Variants in LRBA observed in about 807,000 individuals in gnomAD.
LRBA encodes the protein lipopolysaccharide-responsive and beige-like anchor protein.
A neutral mutation model predicts 330.0 loss-of-function variants in LRBA; 176 were observed. That is an observed-to-expected ratio of 0.53 (90% CI 0.47 to 0.60). The LOEUF is 0.60. Among genes scored for constraint, LRBA ranks in the 20% least tolerant of loss-of-function variants. The pLI, the probability that LRBA is intolerant of heterozygous loss-of-function variation, is 0.00. For synonymous variants in LRBA, 1,230 were observed against 1,193.0 expected (o/e 1.03, Z -0.64); for missense variants, 3,259 against 3,444.8 (o/e 0.95, Z 1.35).
intron 36 of LRBA, among the ~76,000 whole-genome samples, chr4:150,690,851 A>G (rs10028965): frequency 0.7 from 106,570 of 151,534 alleles, 42,506 homozygotes; most frequent in Non-Finnish European, 0.9. Flanking sequence ...GGACAGCATA[A>G]CAGAAAGCAT....
At chr4:150,514,899 C>T (rs911555398) in intron 40 of LRBA, among the ~76,000 whole-genome samples, 1 of 152,070 alleles carries the variant, frequency 6.6e-6, no homozygotes, top group South Asian at 2.1e-4. Context: ...GGACGACTTG[C>T]CTGGTAGTGT....
At chr4:150,336,885 C>T (rs751246566) in intron 48 of LRBA, among the ~76,000 whole-genome samples, 2 of 152,110 alleles carry the variant, frequency 1.3e-5, no homozygotes, top group Admixed American at 6.6e-5. Flanking sequence ...TAATGTTCAG[C>T]GGCACTGTGT....
intron 36 of LRBA, chr4:150,720,909 A>T (rs569414031): frequency 2.7e-5 from 10 of 367,506 alleles, no homozygotes; most frequent in Non-Finnish European, 4.2e-5. Flanking sequence ...TCAGAAGATA[A>T]CAAAGCAATG....
At chr4:150,546,070 T>C (rs1191367071) in intron 40 of LRBA, among the ~76,000 whole-genome samples, 2 of 152,226 alleles carry the variant, frequency 1.3e-5, no homozygotes, top group Non-Finnish European at 2.9e-5. Context: ...GCAAGTCTTT[T>C]TTAATCCACA....
chr4:150,584,483 A>AT (rs1428118596), intron 40 of LRBA: 1 of 79,870 alleles, frequency 1.3e-5, no homozygotes, highest in African/African-American at 7.0e-5. Flanking sequence ...CCCCCCCCCC[A>AT]TTTCGTTTTG....
At chr4:150,698,760 T>C (rs1019290223) in intron 36 of LRBA, among the ~76,000 whole-genome samples, 1 of 152,222 alleles carries the variant, frequency 6.6e-6, no homozygotes. Context: ...TGTATGTATA[T>C]ACCTGTCCTT....
intron 26 of LRBA, among the ~76,000 whole-genome samples, chr4:150,847,359 T>C (rs1009149650): frequency 2.0e-5 from 3 of 152,176 alleles, no homozygotes; most frequent in African/African-American, 7.2e-5. Context: ...CCAAGTTACT[T>C]AGAATAGCAA....
Position 150,588,124 on chromosome 4 carries a change from G to C in LRBA, c.6254C>G (p.Thr2085Ser). Reference sequence around the variant, plus strand: ...GAGTTCGGAGGAGGTGACAGAAAGAGTGCCCTTTACTACAACAGAGGGGGC... The same window carrying C: ...GAGTTCGGAGGAGGTGACAGAAAGACTGCCCTTTACTACAACAGAGGGGGC... The part of the protein sequence containing the change: ...LVAPSVVVKG[T>S]LSVTSSELYF... The change falls in exon 40 of 57, where the codon ACT becomes AGT. Residue 2085 changes from threonine to serine, a missense_variant. By Grantham distance (58) the Thr-to-Ser change is moderately conservative. Coordinates refer to ENST00000651943, the MANE Select transcript of LRBA (RefSeq NM_001364905.1). The C allele has an allele frequency of 6.2e-7, 1 of 1,612,588 alleles. No individual in the cohort carries two copies. The highest frequency in any genetic ancestry group is 8.5e-7 in the Non-Finnish European group (1 of 1,179,312).
intron 56 of LRBA, among the ~76,000 whole-genome samples, chr4:150,273,182 C>T (rs948940941): frequency 1.3e-5 from 2 of 152,208 alleles, no homozygotes; most frequent in African/African-American, 4.8e-5. Flanking sequence ...AAATAATTCT[C>T]AACCCAGAAT....
At chr4:151,003,971 G>A (rs1262559476) in intron 2 of LRBA, among the ~76,000 whole-genome samples, 1 of 149,378 alleles carries the variant, frequency 6.7e-6, no homozygotes, top group Non-Finnish European at 1.5e-5. Flanking sequence ...GGAGTGTGGG[G>A]TACAGTGACA....
At chr4:150,556,895 T>C (rs1174862107) in intron 40 of LRBA, among the ~76,000 whole-genome samples, 1 of 152,150 alleles carries the variant, frequency 6.6e-6, no homozygotes, top group Non-Finnish European at 1.5e-5. Context: ...GCAACCTTTT[T>C]AAAAATATGT....
chr4:150,265,539 T>G lies in LRBA; in HGVS notation c.*183A>C, dbSNP rs1014339138. On this transcript the variant is annotated 3_prime_UTR_variant, in exon 57 of 57. Transcript: ENST00000651943. Reference sequence around the variant, plus strand: ...CTACAGAACCCAGCAGCCAGTTTTCTGCTTTGCTAATCCCCCCCAAAAAAG... The same window carrying G: ...CTACAGAACCCAGCAGCCAGTTTTCGGCTTTGCTAATCCCCCCCAAAAAAG... 2 of 522,838 alleles carry G rather than the reference T, an allele frequency of 3.8e-6. No individual in the cohort carries two copies. The highest frequency in any genetic ancestry group is 6.2e-5 in the Admixed American group (2 of 32,044). 32.4% of individuals were successfully genotyped at this position (522,838 alleles called of 1,614,324 possible).
intron 37 of LRBA, among the ~76,000 whole-genome samples, chr4:150,683,093 T>C (rs189390024): frequency 7.6e-4 from 116 of 152,208 alleles, no homozygotes; most frequent in African/African-American, 2.6e-3. Flanking sequence ...AAAAAAATCA[T>C]TTTATTGTAT....
intron 46 of LRBA, among the ~76,000 whole-genome samples, chr4:150,424,447 T>C (rs915031420): frequency 2.6e-5 from 4 of 152,222 alleles, no homozygotes; most frequent in East Asian, 3.8e-4. Flanking sequence ...GTGAGCTATA[T>C]GTACATCTAA....
chr4:150,582,728 G>A (rs1581738229), intron 40 of LRBA: 1 of 297,252 alleles, frequency 3.4e-6, no homozygotes, highest in East Asian at 5.6e-5. Context: ...CTCGCACACG[G>A]TCATCTTTAC....
chr4:150,544,836 T>C (rs1257398383), intron 40 of LRBA, among the ~76,000 whole-genome samples: 1 of 152,184 alleles, frequency 6.6e-6, no homozygotes, highest in Non-Finnish European at 1.5e-5. Context: ...CTCTCTTCCA[T>C]CGTTATAAAT....
intron 2 of LRBA, among the ~76,000 whole-genome samples, chr4:150,960,381 A>G (rs1244687284): frequency 6.7e-6 from 1 of 149,072 alleles, no homozygotes; most frequent in Non-Finnish European, 1.5e-5. Flanking sequence ...CACCATGAAT[A>G]TGCACTTAAC....
intron 40 of LRBA, among the ~76,000 whole-genome samples, chr4:150,519,409 T>A (rs558442531): frequency 6.6e-6 from 1 of 152,318 alleles, no homozygotes; most frequent in African/African-American, 2.4e-5. Flanking sequence ...CTCATTTCTT[T>A]CATCTCTGAT....
chr4:150,799,745 C>G (rs1741315200), intron 33 of LRBA, among the ~76,000 whole-genome samples: 1 of 151,964 alleles, frequency 6.6e-6, no homozygotes, highest in South Asian at 2.1e-4. Context: ...CATACATATA[C>G]ATATATATAT....
Sources: gnomAD v4.1 joint callset for allele counts (sites outside exome capture counted in the v4.1 genomes callset) on GRCh38, gnomAD v4.1.1 for gene constraint, MANE v1.5 for transcripts, NCBI Gene and HGNC (gene_info 2026-07-23, HGNC 2026-07-21) for gene names.